Variants in FHIT observed in about 807,000 individuals in gnomAD.
The protein encoded by FHIT is fragile histidine triad diadenosine triphosphatase.
Under a neutral mutation model 17.9 loss-of-function variants are expected in FHIT, and 19 were observed. That is an observed-to-expected ratio of 1.06 (90% CI 0.74 to 1.56). The LOEUF is 1.56. FHIT is among the 40% of genes most tolerant of loss of function. The probability of loss-of-function intolerance (pLI) is 0.00; values close to 1 mark genes in which losing one functional copy is unlikely to be tolerated. For synonymous variants in FHIT, 81 were observed against 69.7 expected (o/e 1.16, Z -0.81); for missense variants, 248 against 189.2 (o/e 1.31, Z -1.82).
intron 3 of FHIT, among the ~76,000 whole-genome samples, chr3:60,850,618 C>A (rs1245969161): frequency 6.6e-6 from 1 of 152,110 alleles, no homozygotes; most frequent in Non-Finnish European, 1.5e-5. Context: ...ATTGTGCTCA[C>A]CACTTGTTTA....
At chr3:61,208,430 T>G in intron 1 of FHIT, among the ~76,000 whole-genome samples, 1 of 152,056 alleles carries the variant, frequency 6.6e-6, no homozygotes, top group Admixed American at 6.6e-5. Context: ...AGTCTCCCAT[T>G]ATTATTGTGT....
intron 5 of FHIT, among the ~76,000 whole-genome samples, chr3:60,107,829 G>A (rs1489675363): frequency 1.3e-5 from 2 of 152,130 alleles, no homozygotes; most frequent in Non-Finnish European, 2.9e-5. Flanking sequence ...TTAAAAACAG[G>A]CAGCAGATAT....
chr3:60,051,788 A>G (rs1701890897), intron 5 of FHIT, among the ~76,000 whole-genome samples: 1 of 152,172 alleles, frequency 6.6e-6, no homozygotes. Context: ...CTTGTGAGCA[A>G]GGAAACAAAC....
At chr3:60,215,209 AGGCTGGGCCTGGTGGCT>A in intron 5 of FHIT, among the ~76,000 whole-genome samples, 1 of 152,264 alleles carries the variant, frequency 6.6e-6, no homozygotes, top group East Asian at 1.9e-4. Context: ...TAAAAAAAAT[AGGCTGGGCCTGGTGGCT>A]CACAGCTGTA....
intron 5 of FHIT, among the ~76,000 whole-genome samples, chr3:60,357,680 G>C (rs1345251321): frequency 6.6e-6 from 1 of 152,118 alleles, no homozygotes; most frequent in African/African-American, 2.4e-5. Flanking sequence ...ATATTCTGTG[G>C]ATGTTGTACT....
chr3:61,065,121 A>G (rs13079949), intron 2 of FHIT, among the ~76,000 whole-genome samples: 82,855 of 151,478 alleles, frequency 0.55, 23,728 homozygotes, highest in Non-Finnish European at 0.65. Context: ...ACACATGAAG[A>G]TTCCTATTAG....
intron 3 of FHIT, among the ~76,000 whole-genome samples, chr3:60,833,312 A>G (rs1414450277): frequency 6.6e-6 from 1 of 152,166 alleles, no homozygotes; most frequent in Non-Finnish European, 1.5e-5. Flanking sequence ...TTCCCAGGCT[A>G]TGCGGATTGG....
chr3:60,651,424 T>C (rs1395973359), intron 4 of FHIT, among the ~76,000 whole-genome samples: 2 of 152,170 alleles, frequency 1.3e-5, no homozygotes, highest in Non-Finnish European at 2.9e-5. Context: ...GAATCTTTAT[T>C]ATTGAAAAAT....
At chr3:60,352,030 T>C (rs940671307) in intron 5 of FHIT, among the ~76,000 whole-genome samples, 1 of 152,208 alleles carries the variant, frequency 6.6e-6, no homozygotes, top group African/African-American at 2.4e-5. Flanking sequence ...CCGGTGACTG[T>C]CTTATCCACT....
At chr3:60,067,195 A>T (rs1280463334) in intron 5 of FHIT, among the ~76,000 whole-genome samples, 1 of 152,166 alleles carries the variant, frequency 6.6e-6, no homozygotes, top group African/African-American at 2.4e-5. Context: ...TAGATAGCAA[A>T]TATATTTATA....
chr3:60,534,087 G>C (rs1485177977), intron 5 of FHIT, among the ~76,000 whole-genome samples: 2 of 152,234 alleles, frequency 1.3e-5, no homozygotes, highest in Middle Eastern at 6.8e-3. Context: ...TCAAGTCTCA[G>C]GACAAAAGAC....
At chr3:60,749,200 T>C (rs1187978242) in intron 4 of FHIT, among the ~76,000 whole-genome samples, 5 of 152,324 alleles carry the variant, frequency 3.3e-5, no homozygotes, top group Non-Finnish European at 7.4e-5. Context: ...TTATGATATA[T>C]TGAGTCTCCT....
chr3:60,074,445 C>T (rs1287149341), intron 5 of FHIT, among the ~76,000 whole-genome samples: 1 of 152,020 alleles, frequency 6.6e-6, no homozygotes, highest in Non-Finnish European at 1.5e-5. Flanking sequence ...CTTTGAAGAG[C>T]AAAGCATCAA....
At chr3:60,588,120 T>C (rs1021892268) in intron 4 of FHIT, among the ~76,000 whole-genome samples, 4 of 152,050 alleles carry the variant, frequency 2.6e-5, no homozygotes, top group African/African-American at 9.7e-5. Context: ...ATCATTCACG[T>C]GGACCAAGAA....
chr3:60,217,950 G>C (rs978966557), intron 5 of FHIT, among the ~76,000 whole-genome samples: 9 of 152,042 alleles, frequency 5.9e-5, no homozygotes, highest in Admixed American at 1.3e-4. Context: ...TATTAAGTCA[G>C]ACATTAAAGA....
At chr3:60,259,617 G>A (rs1706192580) in intron 5 of FHIT, among the ~76,000 whole-genome samples, 1 of 152,082 alleles carries the variant, frequency 6.6e-6, no homozygotes, top group African/African-American at 2.4e-5. Context: ...AATCCTTAGA[G>A]TAACTCCAGG....
intron 8 of FHIT, among the ~76,000 whole-genome samples, chr3:59,870,674 T>G (rs974337382): frequency 1.3e-5 from 2 of 152,192 alleles, no homozygotes; most frequent in African/African-American, 4.8e-5. Flanking sequence ...TAAGGTACCA[T>G]GCATGTGTCA....
At chr3:60,345,857 C>CGT (rs1710749934) in intron 5 of FHIT, among the ~76,000 whole-genome samples, 1 of 152,000 alleles carries the variant, frequency 6.6e-6, no homozygotes, top group South Asian at 2.1e-4. Context: ...CAGTTACTAA[C>CGT]ATATTTGTAT....
In FHIT at chr3:60,702,296, T is replaced by C. The variant is rs529768266; in HGVS notation, c.-18+119623A>G. Reference sequence around the variant, plus strand: ...ACAGTAACTTTATATTACATTTTAATGTTTAGAAGAAAAAGTAAAAATGAA... The same window carrying C: ...ACAGTAACTTTATATTACATTTTAACGTTTAGAAGAAAAAGTAAAAATGAA... On this transcript the variant is annotated intron_variant, in intron 4 of 9. Transcript: ENST00000492590. 3.3e-5 allele frequency among the ~76,000 whole-genome samples: 5 copies of C among 152,172 alleles called. No individual in the cohort carries two copies. The South Asian group carries it at 1.0e-3, about 31-fold the overall frequency.
Sources: allele counts gnomAD v4.1 joint callset (sites outside exome capture counted in the v4.1 genomes callset), GRCh38; gene constraint gnomAD v4.1.1; transcripts MANE v1.5; gene names NCBI Gene and HGNC (gene_info 2026-07-23, HGNC 2026-07-21).